The following PTPRM variants were observed in gnomAD, a reference collection of about 807,000 sequenced individuals.
PTPRM encodes the protein protein tyrosine phosphatase receptor type M.
In PTPRM, 47 loss-of-function variants were observed where a neutral mutation model predicts 186.7. The observed-to-expected ratio is 0.25, with a 90% CI of 0.20 to 0.32. The LOEUF (loss-of-function observed/expected upper bound fraction) is 0.32, where lower values mean the gene tolerates loss of function less well. Ranked by LOEUF, PTPRM falls within the 10% of genes least tolerant of loss-of-function variation. PTPRM has a pLI of 1.00. For synonymous variants in PTPRM, 668 were observed against 674.9 expected (o/e 0.99, Z 0.16); for missense variants, 1,494 against 1,865.0 (o/e 0.80, Z 3.66).
intron 1 of PTPRM, among the ~76,000 whole-genome samples, chr18:7,570,908 C>T (rs2036549657): frequency 6.7e-6 from 1 of 149,748 alleles, no homozygotes; most frequent in Non-Finnish European, 1.5e-5. Flanking sequence ...ACATTGCTTA[C>T]TTATAATGAT....
intron 1 of PTPRM, among the ~76,000 whole-genome samples, chr18:7,659,439 C>A (rs770625318): frequency 6.6e-6 from 1 of 152,188 alleles, no homozygotes; most frequent in African/African-American, 2.4e-5. Flanking sequence ...TAGGCACTTA[C>A]CTGCAGTCTA....
chr18:8,028,671 A>T (rs2085735175), intron 7 of PTPRM, among the ~76,000 whole-genome samples: 1 of 152,222 alleles, frequency 6.6e-6, no homozygotes, highest in Admixed American at 6.5e-5. Context: ...GCTAATATTT[A>T]TTAAATACTT....
At chr18:8,387,461 C>G (rs2095783035) in intron 31 of PTPRM, among the ~76,000 whole-genome samples, 1 of 150,650 alleles carries the variant, frequency 6.6e-6, no homozygotes, top group South Asian at 2.1e-4. Flanking sequence ...CAAGCACTGA[C>G]CGTTTCATTA....
In PTPRM at chr18:8,126,027, A is replaced by ATATATATATTT. The variant is rs57751538; in HGVS notation, c.2167+11201_2167+11202insATATATATTTT. Among the ~76,000 whole-genome samples, 45 of 69,490 alleles carry ATATATATATTT rather than the reference A, an allele frequency of 6.5e-4. 1 individual carries two copies. Among genetic ancestry groups the ATATATATATTT allele is most frequent in the South Asian group, 1.1e-3 (2 of 1,798 alleles). 45.6% of individuals were successfully genotyped at this position (69,490 alleles called of 152,430 possible). The stretch of plus-strand genomic sequence containing the variant: ...TATATATATATATATATATATATAT[A>ATATATATATTT]TTTTAAATCAGTAGACCTTTCCATT... On this transcript the variant is annotated intron_variant, in intron 13 of 32. Coordinates refer to ENST00000580170, the MANE Select transcript of PTPRM (RefSeq NM_001105244.2).
At chr18:8,017,471 T>TAC (rs2084943202) in intron 7 of PTPRM, among the ~76,000 whole-genome samples, 1 of 150,940 alleles carries the variant, frequency 6.6e-6, no homozygotes, top group Non-Finnish European at 1.5e-5. Context: ...TAATCCCACC[T>TAC]ACTCAGGAGG....
chr18:8,176,547 AT>A (rs1229850710), intron 14 of PTPRM, among the ~76,000 whole-genome samples: 1 of 152,230 alleles, frequency 6.6e-6, no homozygotes, highest in African/African-American at 2.4e-5. Context: ...GCTGTCAACT[AT>A]TAAGCTTAAC....
At position 7,888,268 on chromosome 18, in the gene PTPRM, T is replaced by G; in HGVS notation, c.359T>G (p.Val120Gly). The change falls in exon 3 of 33, where the codon GTC becomes GGC. Residue 120 changes from valine (V) to glycine (G), a missense_variant. Coordinates refer to ENST00000580170, the MANE Select transcript of PTPRM (RefSeq NM_001105244.2). ...PPGLLNVYVK[V>G]NNGPLGNPIW... ...GGGTTACTCAATGTCTACGTGAAGG[T>G]CAATAACGGGCCACTGGGGAATCCT... 6.2e-7 allele frequency: 1 copy of G among 1,614,058 alleles called. No homozygotes were observed. Among genetic ancestry groups the G allele is most frequent in the Non-Finnish European group, 8.5e-7 (1 of 1,179,998 alleles).
intron 7 of PTPRM, among the ~76,000 whole-genome samples, chr18:8,029,660 C>G (rs558127032): frequency 6.6e-6 from 1 of 152,280 alleles, no homozygotes; most frequent in Admixed American, 6.5e-5. Context: ...ATCTGTCATT[C>G]TCAGCAGTTT....
At chr18:7,821,165 C>T (rs542949314) in intron 2 of PTPRM, among the ~76,000 whole-genome samples, 4 of 152,270 alleles carry the variant, frequency 2.6e-5, no homozygotes, top group East Asian at 3.9e-4. Flanking sequence ...GTTGTTCTGG[C>T]TCTATGGCTT....
intron 7 of PTPRM, among the ~76,000 whole-genome samples, chr18:8,027,858 T>C (rs535403853): frequency 6.6e-6 from 1 of 152,354 alleles, no homozygotes; most frequent in South Asian, 2.1e-4. Flanking sequence ...ACTTTTTATC[T>C]GTTAGCGATT....
chr18:8,169,373 G>C (rs1234183517), intron 14 of PTPRM, among the ~76,000 whole-genome samples: 1 of 150,914 alleles, frequency 6.6e-6, no homozygotes, highest in Non-Finnish European at 1.5e-5. Flanking sequence ...TATCAAATTA[G>C]TAAGACAAAA....
At chr18:7,648,081 T>G (rs1358202900) in intron 1 of PTPRM, among the ~76,000 whole-genome samples, 1 of 152,218 alleles carries the variant, frequency 6.6e-6, no homozygotes. Flanking sequence ...TTGTATTTCT[T>G]TTTCAGATTT....
rs369543804 is a variant in PTPRM at position 7,834,900 on chromosome 18, A to G, written c.197-53206A>G. 6.0e-5 allele frequency among the ~76,000 whole-genome samples: 9 copies of G among 150,424 alleles called. No individual in the cohort carries two copies. In the South Asian group the frequency reaches 1.9e-3, roughly 32 times the overall value. On this transcript the variant is annotated intron_variant, in intron 2 of 32. Coordinates refer to ENST00000580170, the MANE Select transcript of PTPRM (RefSeq NM_001105244.2). ...TAGATTTTCCAATTTATTGGCATAT[A>G]GTTGCTCATAATAGCCACTAATGGT...
intron 3 of PTPRM, among the ~76,000 whole-genome samples, chr18:7,901,132 G>T (rs2049655166): frequency 6.6e-6 from 1 of 152,080 alleles, no homozygotes; most frequent in African/African-American, 2.4e-5. Context: ...CACACACTTG[G>T]TATACTTCAC....
chr18:8,032,800 G>T (rs979276230), intron 7 of PTPRM, among the ~76,000 whole-genome samples: 11 of 152,036 alleles, frequency 7.2e-5, no homozygotes, highest in Admixed American at 4.6e-4. Flanking sequence ...AACCAGAAAT[G>T]AGTTATTTAC....
At chr18:7,637,468 G>T (rs1363856343) in intron 1 of PTPRM, among the ~76,000 whole-genome samples, 1 of 152,162 alleles carries the variant, frequency 6.6e-6, no homozygotes, top group Non-Finnish European at 1.5e-5. Context: ...TGTACACACT[G>T]CCTCTTACCC....
rs1598293474 is a variant in PTPRM at position 7,648,345 on chromosome 18, A to G, written c.73+80454A>G. ...ACTCAACAATATTAAAATTAGGACA[A>G]TTAATAACCCCACAGTGGCCTCTAA... On this transcript the variant is annotated intron_variant, in intron 1 of 32. Transcript: ENST00000580170. Among the ~76,000 whole-genome samples the G allele has an allele frequency of 2.0e-5, 3 of 152,244 alleles. No individual in the cohort carries two copies. In the East Asian group the frequency reaches 5.8e-4, roughly 29 times the overall value.
intron 7 of PTPRM, among the ~76,000 whole-genome samples, chr18:7,968,396 A>G (rs1179025065): frequency 6.9e-6 from 1 of 145,754 alleles, no homozygotes; most frequent in Admixed American, 6.9e-5. Flanking sequence ...AAACTGCATC[A>G]ACTAATGAGC....
At chr18:7,883,977 CAAAATAA>C (rs2048635961) in intron 2 of PTPRM, among the ~76,000 whole-genome samples, 1 of 150,680 alleles carries the variant, frequency 6.6e-6, no homozygotes, top group South Asian at 2.1e-4. Flanking sequence ...CCTCTCTCTA[CAAAATAA>C]AAAATAAAAA....
Sources: allele counts gnomAD v4.1 joint callset (sites outside exome capture counted in the v4.1 genomes callset), GRCh38; gene constraint gnomAD v4.1.1; transcripts MANE v1.5; gene names NCBI Gene and HGNC (gene_info 2026-07-23, HGNC 2026-07-21).